Variants in FHIP1A observed in about 807,000 individuals in gnomAD.
FHIP1A encodes the protein FHF complex subunit HOOK interacting protein 1A.
Under a neutral mutation model 88.6 loss-of-function variants are expected in FHIP1A, and 61 were observed. The observed-to-expected ratio is 0.69, with a 90% CI of 0.56 to 0.85. The LOEUF is 0.85. Ranked by LOEUF, FHIP1A falls within the 40% of genes least tolerant of loss-of-function variation. The pLI is 0.00. For synonymous variants in FHIP1A, 478 were observed against 496.0 expected (o/e 0.96, Z 0.48); for missense variants, 1,154 against 1,273.5 (o/e 0.91, Z 1.43).
At chr4:151,491,061 A>G (rs1332959255) in intron 3 of FHIP1A, among the ~76,000 whole-genome samples, 1 of 152,168 alleles carries the variant, frequency 6.6e-6, no homozygotes, top group Non-Finnish European at 1.5e-5. Context: ...AGTTTGGAAA[A>G]CTTATTTGAG....
chr4:151,481,673 T>C (rs962438883), intron 2 of FHIP1A, among the ~76,000 whole-genome samples: 2 of 152,040 alleles, frequency 1.3e-5, no homozygotes, highest in Non-Finnish European at 2.9e-5. Flanking sequence ...AATTTAAGTA[T>C]AGTATTTATT....
intron 11 of FHIP1A, among the ~76,000 whole-genome samples, chr4:151,655,296 T>C (rs1369849762): frequency 6.6e-6 from 1 of 152,220 alleles, no homozygotes; most frequent in South Asian, 2.1e-4. Flanking sequence ...ATTTAAAGTA[T>C]CTTCAAGTAA....
At chr4:151,654,653 G>A (rs566691840) in intron 11 of FHIP1A, among the ~76,000 whole-genome samples, 271 of 152,184 alleles carry the variant, frequency 1.8e-3, no homozygotes, top group Non-Finnish European at 3.4e-3. Context: ...ATTGTGTTGC[G>A]ATGCCTTAAG....
chr4:151,557,815 C>T (rs1261993809), intron 3 of FHIP1A, among the ~76,000 whole-genome samples: 9 of 152,162 alleles, frequency 5.9e-5, no homozygotes, highest in Non-Finnish European at 8.8e-5. Flanking sequence ...CTCCTTTACC[C>T]TTTGCTAATT....
At chr4:151,622,159 T>C (rs906571340) in intron 7 of FHIP1A, among the ~76,000 whole-genome samples, 2 of 152,144 alleles carry the variant, frequency 1.3e-5, no homozygotes, top group Non-Finnish European at 2.9e-5. Flanking sequence ...TTATGAAAAC[T>C]GAGAAGGGGA....
intron 4 of FHIP1A, among the ~76,000 whole-genome samples, chr4:151,568,838 T>C (rs1327236739): frequency 6.6e-6 from 1 of 152,086 alleles, no homozygotes; most frequent in Non-Finnish European, 1.5e-5. Flanking sequence ...TTTCAGAGAA[T>C]GGATACTAGG....
intron 8 of FHIP1A, among the ~76,000 whole-genome samples, chr4:151,638,352 A>AT (rs1560814321): frequency 1.3e-4 from 12 of 93,174 alleles, no homozygotes; most frequent in Non-Finnish European, 3.1e-4. Flanking sequence ...TGTGTATGTG[A>AT]GAGAGAGAGA....
chr4:151,494,632 A>G (rs1730396202), intron 3 of FHIP1A, among the ~76,000 whole-genome samples: 1 of 152,176 alleles, frequency 6.6e-6, no homozygotes, highest in South Asian at 2.1e-4. Context: ...CTTTTTGCTT[A>G]GAATTTCCTT....
chr4:151,479,943 A>T (rs1210802796), intron 2 of FHIP1A, among the ~76,000 whole-genome samples: 1 of 152,006 alleles, frequency 6.6e-6, no homozygotes, highest in Non-Finnish European at 1.5e-5. Context: ...CCTGAATTTG[A>T]TTATATTATG....
intron 1 of FHIP1A, among the ~76,000 whole-genome samples, chr4:151,432,103 T>C (rs1268078137): frequency 4.6e-5 from 7 of 152,254 alleles, no homozygotes; most frequent in Admixed American, 1.3e-4. Flanking sequence ...ATTTGGAAGA[T>C]AAGTTAGTAA....
intron 7 of FHIP1A, among the ~76,000 whole-genome samples, chr4:151,610,616 T>C (rs571655343): frequency 6.6e-6 from 1 of 152,350 alleles, no homozygotes; most frequent in Admixed American, 6.5e-5. Flanking sequence ...TGCTATACCC[T>C]GAGTGTGATT....
At chr4:151,571,896 C>T (rs909983403) in intron 4 of FHIP1A, among the ~76,000 whole-genome samples, 2 of 152,218 alleles carry the variant, frequency 1.3e-5, no homozygotes, top group Non-Finnish European at 2.9e-5. Flanking sequence ...TTAACTTGCA[C>T]TTCTATCAGA....
chr4:151,449,518 A>G (rs1463407386), intron 1 of FHIP1A, among the ~76,000 whole-genome samples: 1 of 152,084 alleles, frequency 6.6e-6, no homozygotes, highest in African/African-American at 2.4e-5. Context: ...TGCATTTATC[A>G]TTTCTTTGTG....
At chr4:151,659,848 C>T (rs1451499901) in intron 13 of FHIP1A, among the ~76,000 whole-genome samples, 2 of 152,216 alleles carry the variant, frequency 1.3e-5, no homozygotes, top group Non-Finnish European at 2.9e-5. Flanking sequence ...GGCCGCTGCT[C>T]CAGAGAGAGC....
At position 151,617,460 on chromosome 4, in the gene FHIP1A, T is replaced by C. The variant is rs1560802247; in HGVS notation, c.979-12242T>C. ...TGTGGCCCCATCCTGCCTATGAGCC[T>C]TCCTTCCCTTCATGATGTTCAAATG... On this transcript the variant is annotated intron_variant, in intron 7 of 13. Transcript: ENST00000435205. Among the ~76,000 whole-genome samples the C allele has an allele frequency of 2.0e-5, 3 of 152,286 alleles. No individual in the cohort carries two copies. The East Asian group carries it at 5.8e-4, about 29-fold the overall frequency.
chr4:151,614,295 C>G (rs1371646544), intron 7 of FHIP1A, among the ~76,000 whole-genome samples: 1 of 151,846 alleles, frequency 6.6e-6, no homozygotes, highest in Non-Finnish European at 1.5e-5. Context: ...ATGATGAAAC[C>G]CTGTCTCTAC....
intron 3 of FHIP1A, among the ~76,000 whole-genome samples, chr4:151,534,283 G>A (rs1227063059): frequency 6.6e-6 from 1 of 152,230 alleles, no homozygotes; most frequent in African/African-American, 2.4e-5. Context: ...TATGTTAAAG[G>A]TATGTTACTT....
intron 1 of FHIP1A, among the ~76,000 whole-genome samples, chr4:151,429,080 T>G (rs1449598713): frequency 6.6e-6 from 1 of 151,706 alleles, no homozygotes; most frequent in East Asian, 1.9e-4. Context: ...AGTTCGCCTG[T>G]TTTGTTTTGT....
At chr4:151,536,064 G>T (rs765763191) in intron 3 of FHIP1A, among the ~76,000 whole-genome samples, 4 of 151,996 alleles carry the variant, frequency 2.6e-5, no homozygotes, top group Non-Finnish European at 5.9e-5. Flanking sequence ...TATATTCCCG[G>T]TGAAAGAATG....
Sources: allele counts gnomAD v4.1 joint callset (sites outside exome capture counted in the v4.1 genomes callset), GRCh38; gene constraint gnomAD v4.1.1; transcripts MANE v1.5; gene names NCBI Gene and HGNC (gene_info 2026-07-23, HGNC 2026-07-21).